The following FHIP1B variants were observed in gnomAD, a reference collection of about 807,000 sequenced individuals.
The protein encoded by FHIP1B is FHF complex subunit HOOK interacting protein 1B.
Under a neutral mutation model 82.2 loss-of-function variants are expected in FHIP1B, and 28 were observed. That is an observed-to-expected ratio of 0.34 (90% CI 0.25 to 0.47). FHIP1B has a LOEUF of 0.47. Among genes scored for constraint, FHIP1B ranks in the 20% least tolerant of loss-of-function variants. The pLI is 1.00. For synonymous variants in FHIP1B, 585 were observed against 516.1 expected (o/e 1.13, Z -1.81); for missense variants, 1,110 against 1,262.6 (o/e 0.88, Z 1.83).
At chr11:6,218,399 C>T (rs968763709) in intron 8 of FHIP1B, among the ~76,000 whole-genome samples, 1 of 152,162 alleles carries the variant, frequency 6.6e-6, no homozygotes. Flanking sequence ...AATAGCTTTG[C>T]CCAGAAGTCC....
rs1177408356 is a variant in FHIP1B, at chr11:6,223,825, C to G, written c.562G>C (p.Ala188Pro). 1 of 1,614,216 alleles carries G rather than the reference C, an allele frequency of 6.2e-7. No homozygotes were observed. Among genetic ancestry groups the G allele is most frequent in the Non-Finnish European group, 8.5e-7 (1 of 1,180,024 alleles). ...LLLSQLCVCVAQEPSLLEFFL... is the reference protein window; with the variant it reads ...LLLSQLCVCVPQEPSLLEFFL... ...AACTCGAGCAATGAAGGCTCCTGGG[C>G]CACACAAACACACAGCTGGCTGAGA... Residue 188 changes from alanine (A) to proline (P), a missense_variant, in exon 3 of 12, where the codon GCC (alanine) becomes CCC (proline). Transcript: ENST00000449352. This position sits in a 1 kb window ranked among gnomAD's most constrained non-coding sequence, Gnocchi z 4.8.
chr11:6,218,722 G>A lies in FHIP1B; in HGVS notation c.1313C>T (p.Pro438Leu), dbSNP rs114329486. 1,564 of 1,614,078 alleles carry A rather than the reference G, an allele frequency of 9.7e-4. 9 individuals are homozygous for A. The African/African-American group carries it at 0.015, about 15-fold the overall frequency. Residue 438 changes from proline (P) to leucine (L), a missense_variant, in exon 8 of 12, where the codon CCG (proline) becomes CTG (leucine). Pro to Leu is a moderately conservative substitution (Grantham distance 98). Around this residue, in one of 6 missense-constraint regions of FHIP1B, gnomAD observed 467 missense variants for 602.9 expected, o/e 0.77. Transcript: ENST00000449352. The stretch of plus-strand genomic sequence containing the variant: ...ATATAGGTCCACATCACGAACAGCC[G>A]GCTTCTGGCTCAGCATAACGTGGTT... Reference protein sequence around the residue: ...PCNHVMLSQKPAVRDVDLYGR... With the variant: ...PCNHVMLSQKLAVRDVDLYGR...
intron 1 of FHIP1B, among the ~76,000 whole-genome samples, chr11:6,231,180 G>A (rs983280478): frequency 6.6e-5 from 10 of 152,326 alleles, no homozygotes; most frequent in African/African-American, 2.4e-4. Flanking sequence ...GAGATATAGA[G>A]AAGAGAGATA....
Position 6,211,839 on chromosome 11 carries a change from C to A in FHIP1B, c.2586G>T (p.Glu862Asp), listed in dbSNP as rs757956077. 8 of 1,589,424 alleles carry A rather than the reference C, an allele frequency of 5.0e-6. No homozygotes were observed. Among genetic ancestry groups the A allele is most frequent in the East Asian group, 4.5e-5 (2 of 44,746 alleles). ...GACTGTGTGCATGCCGCAGGAGTAA[C>A]TCCCCCAAGGATGGCCTCCGGCTCT... Reference protein sequence around the residue: ...LVKSRRPSLGELLLRHAHSPT... With the variant: ...LVKSRRPSLGDLLLRHAHSPT... Residue 862 changes from glutamate to aspartate, a missense_variant, in exon 12 of 12, where the codon GAG (glutamate) becomes GAT (aspartate). This residue lies in a region of FHIP1B where 147 missense variants were observed against 154.0 expected (regional missense o/e 0.95). Transcript: ENST00000449352.
intron 11 of FHIP1B, among the ~76,000 whole-genome samples, chr11:6,214,032 C>G (rs1004686591): frequency 9.5e-6 from 1 of 105,514 alleles, no homozygotes; most frequent in African/African-American, 3.7e-5. Context: ...AGGACCTCTC[C>G]TGAAAAAAAA....
At chr11:6,215,557 GA>G in intron 9 of FHIP1B, among the ~76,000 whole-genome samples, 1 of 152,268 alleles carries the variant, frequency 6.6e-6, no homozygotes, top group South Asian at 2.1e-4. Flanking sequence ...TAAAGTTAGG[GA>G]AAAAAATATT....
rs199613965 is a variant in FHIP1B at position 6,223,565 on chromosome 11, G to T, written c.777+45C>A. The T allele has an allele frequency of 4.6e-6, 7 of 1,533,882 alleles. No homozygotes were observed. The African/African-American group carries it at 9.7e-5, about 21-fold the overall frequency. On this transcript the variant is annotated intron_variant, in intron 3 of 11. Coordinates refer to ENST00000449352, the MANE Select transcript of FHIP1B (RefSeq NM_001098794.2). The surrounding 1 kb of genome is among the most constrained non-coding windows in gnomAD (Gnocchi z 4.8). ...CTCCTGGATAGGAAGGTGCTGTTCAGTATCTACACACCACACCCTACCCTC... is the reference window on the plus strand; with the variant it reads ...CTCCTGGATAGGAAGGTGCTGTTCATTATCTACACACCACACCCTACCCTC...
chr11:6,213,200 G>C (rs915343582), intron 11 of FHIP1B, among the ~76,000 whole-genome samples: 35 of 152,180 alleles, frequency 2.3e-4, no homozygotes, highest in African/African-American at 8.0e-4. Context: ...AGACTTCACA[G>C]CTGTGCAGTA....
chr11:6,220,759 G>A (rs940642906), intron 6 of FHIP1B, among the ~76,000 whole-genome samples: 6 of 152,156 alleles, frequency 3.9e-5, no homozygotes, highest in African/African-American at 1.4e-4. Context: ...AAAAATGAAA[G>A]ATAGTGAGTA....
chr11:6,222,721 A>C, intron 5 of FHIP1B, 90 bp downstream of exon 5: 2 of 1,547,476 alleles, frequency 1.3e-6, no homozygotes, highest in Non-Finnish European at 1.8e-6. Flanking sequence ...AGGGAGGAGT[A>C]CTCTACCCAC....
intron 1 of FHIP1B, among the ~76,000 whole-genome samples, chr11:6,233,664 C>T (rs541618158): frequency 6.6e-6 from 1 of 152,268 alleles, no homozygotes; most frequent in African/African-American, 2.4e-5. Context: ...AAATATAGTA[C>T]TGTATAGGGC....
At chr11:6,214,664 G>A in intron 10 of FHIP1B, 69 bp downstream of exon 10, 1 of 1,547,484 alleles carries the variant, frequency 6.5e-7, no homozygotes, top group Non-Finnish European at 8.7e-7. Context: ...GCCCACCCAG[G>A]GTCACTCCAG....
chr11:6,233,756 A>C (rs1300075076), intron 1 of FHIP1B, among the ~76,000 whole-genome samples: 1 of 152,224 alleles, frequency 6.6e-6, no homozygotes, highest in Admixed American at 6.5e-5. Context: ...AGCACAGGTA[A>C]GGAGCAACAG....
chr11:6,214,339 A>G, intron 11 of FHIP1B, 72 bp downstream of exon 11: 1 of 1,489,044 alleles, frequency 6.7e-7, no homozygotes, highest in Non-Finnish European at 9.0e-7. Flanking sequence ...CACTCTTAAT[A>G]AGAGCTCAAT....
intron 11 of FHIP1B, among the ~76,000 whole-genome samples, chr11:6,213,390 A>G (rs1320443578): frequency 6.6e-6 from 1 of 152,074 alleles, no homozygotes; most frequent in Non-Finnish European, 1.5e-5. Context: ...CTCTCTCCTC[A>G]TTTTCCTCAA....
Position 6,217,540 on chromosome 11 carries a change from C to T in FHIP1B, c.2046G>A (p.Glu682=), listed in dbSNP as rs114090040. 4.5e-4 allele frequency: 721 copies of T among 1,610,078 alleles called. No individual in the cohort carries two copies. In the African/African-American group the frequency reaches 6.7e-3, roughly 15 times the overall value. Residue 682 remains glutamate, a synonymous_variant, in exon 9 of 12, where the codon GAG becomes GAA. Coordinates refer to ENST00000449352, the MANE Select transcript of FHIP1B (RefSeq NM_001098794.2). ...EGFGQELREL[E]VALSNGGTGS... ...CAGTTCCCCCATTGCTCAATGCCACCTCTAGCTCCCGGAGCTCCTGCCCAA... is the reference window on the plus strand; with the variant it reads ...CAGTTCCCCCATTGCTCAATGCCACTTCTAGCTCCCGGAGCTCCTGCCCAA...
intron 1 of FHIP1B, among the ~76,000 whole-genome samples, chr11:6,233,274 A>G (rs1287605119): frequency 4.6e-5 from 7 of 152,222 alleles, no homozygotes; most frequent in Non-Finnish European, 1.5e-5. Context: ...GGAAAGACTT[A>G]ACTCTTTCTG....
intron 1 of FHIP1B, among the ~76,000 whole-genome samples, chr11:6,225,201 T>C (rs1436440424): frequency 6.6e-6 from 1 of 152,236 alleles, no homozygotes; most frequent in Non-Finnish European, 1.5e-5. Flanking sequence ...AAATTCCTTA[T>C]CTTGGCCTAC....
intron 9 of FHIP1B, among the ~76,000 whole-genome samples, chr11:6,215,765 C>A (rs932178223): frequency 1.3e-5 from 2 of 152,182 alleles, no homozygotes; most frequent in African/African-American, 2.4e-5. Flanking sequence ...GCCAGATCAC[C>A]AGCAGTAGGC....
Sources: gnomAD v4.1 joint callset for allele counts (sites outside exome capture counted in the v4.1 genomes callset) on GRCh38, gnomAD v4.1.1 for gene constraint, gnomAD v4.1.1 regional missense constraint, Gnocchi (gnomAD v3.1) non-coding constraint, MANE v1.5 for transcripts, NCBI Gene and HGNC (gene_info 2026-07-23, HGNC 2026-07-21) for gene names.